The following LRP2 variants were observed in gnomAD, a reference collection of about 807,000 sequenced individuals.
LRP2 encodes LDL receptor related protein 2, also known as low-density lipoprotein receptor-related protein 2.
In LRP2, 172 loss-of-function variants were observed where a neutral mutation model predicts 531.0. The observed-to-expected ratio is 0.32, with a 90% CI of 0.29 to 0.37. The LOEUF (loss-of-function observed/expected upper bound fraction) is 0.37. Ranked by LOEUF, LRP2 falls within the 10% of genes least tolerant of loss-of-function variation. The probability of loss-of-function intolerance (pLI) is 1.00; values close to 1 mark genes in which losing one functional copy is unlikely to be tolerated. For synonymous variants in LRP2, 1,992 were observed against 2,027.6 expected, an observed-to-expected ratio of 0.98 and a Z score of 0.47; for missense variants, 5,167 against 5,868.3, an observed-to-expected ratio of 0.88 and a Z score of 3.90.
chr2:169,190,608 C>T (rs1361083980), intron 48 of LRP2, among the ~76,000 whole-genome samples: 1 of 152,172 alleles, frequency 6.6e-6, no homozygotes, highest in Non-Finnish European at 1.5e-5. Context: ...GTATATCTTT[C>T]CCACTGTCTT....
At chr2:169,325,991 T>C (rs1041630388) in intron 1 of LRP2, among the ~76,000 whole-genome samples, 4 of 151,564 alleles carry the variant, frequency 2.6e-5, no homozygotes, top group Non-Finnish European at 5.9e-5. Context: ...AGTGCAAAAA[T>C]AAATGAATAA....
chr2:169,226,902 A>G (rs1689220700), intron 31 of LRP2, among the ~76,000 whole-genome samples: 1 of 152,150 alleles, frequency 6.6e-6, no homozygotes, highest in Non-Finnish European at 1.5e-5. Context: ...CCTCACAGAC[A>G]GGAAGTTCTT....
intron 17 of LRP2, 115 bp from the exon 18 acceptor site, chr2:169,257,364 A>C: frequency 9.1e-7 from 1 of 1,099,494 alleles, no homozygotes; most frequent in Non-Finnish European, 1.4e-6. Context: ...TGTTTTCTTT[A>C]TATGCTATTG....
At chr2:169,327,070 G>A (rs1312427427) in intron 1 of LRP2, among the ~76,000 whole-genome samples, 17 of 150,040 alleles carry the variant, frequency 1.1e-4, no homozygotes, top group African/African-American at 3.9e-4. Context: ...CAGCCGCCCA[G>A]TCCGGGAGGG....
rs1687434097 is a variant in LRP2 at position 169,181,605 on chromosome 2, C to A, written c.10012G>T (p.Ala3338Ser). The change falls in exon 52 of 79, where the codon GCA (alanine) becomes TCA (serine). Residue 3338 changes from alanine to serine, a missense_variant. Transcript: ENST00000649046. ...ATGTATGCGCGGTGACCCCAGTCTG[C>A]CCAGTAGAGGTACCTGTCAGGGCAA... is the stretch of plus-strand genomic sequence containing the variant. ...LHPQYGYLYW[A>S]DWGHRAYIGR... The A allele has an allele frequency of 6.2e-7, 1 of 1,613,936 alleles. No homozygotes were observed. Among genetic ancestry groups the A allele is most frequent in the Non-Finnish European group, 8.5e-7 (1 of 1,180,008 alleles).
At chr2:169,325,374 C>A (rs1267666330) in intron 1 of LRP2, among the ~76,000 whole-genome samples, 1 of 152,176 alleles carries the variant, frequency 6.6e-6, no homozygotes. Context: ...TCACTGAACT[C>A]AAAGAAACAA....
chr2:169,264,239 T>C (rs751764952), intron 16 of LRP2, among the ~76,000 whole-genome samples: 72 of 151,866 alleles, frequency 4.7e-4, no homozygotes, highest in Non-Finnish European at 7.9e-4. Context: ...AAACTTAAAG[T>C]ATAATAATAA....
chr2:169,324,282 G>C (rs1684985193), intron 1 of LRP2, among the ~76,000 whole-genome samples: 1 of 152,028 alleles, frequency 6.6e-6, no homozygotes, highest in Admixed American at 6.6e-5. Context: ...CGTGCTACTT[G>C]ACCACTACTC....
chr2:169,227,952 C>T (rs934408878), intron 31 of LRP2, among the ~76,000 whole-genome samples: 1 of 152,138 alleles, frequency 6.6e-6, no homozygotes, highest in African/African-American at 2.4e-5. Flanking sequence ...GACCCTGGCT[C>T]ATTCACTTCC....
At chr2:169,128,878 A>C (rs757761823) in intron 78 of LRP2, 48 bp from the exon 79 acceptor site, 6 of 1,606,110 alleles carry the variant, frequency 3.7e-6, no homozygotes, top group Non-Finnish European at 5.1e-6. Flanking sequence ...CCCCAAGGTC[A>C]CCATACACGG....
chr2:169,263,728 C>T (rs1353205158), intron 16 of LRP2, among the ~76,000 whole-genome samples: 1 of 152,112 alleles, frequency 6.6e-6, no homozygotes. Flanking sequence ...CCATTTGACC[C>T]AGCCATCGCA....
Position 169,128,519 on chromosome 2 carries a change from A to G in LRP2, c.*144T>C. The G allele has an allele frequency of 1.4e-6, 1 of 728,766 alleles. No homozygotes were observed. The highest frequency in any genetic ancestry group is 2.4e-5 in the Admixed American group (1 of 40,944). The allele number at this position is 728,766 out of a possible 1,614,324, so 45.1% of individuals were successfully genotyped here. A position where few individuals can be genotyped will look rare whatever the true frequency, so the allele number is the denominator to read the frequency against. On this transcript the variant is annotated 3_prime_UTR_variant, in exon 79 of 79. Coordinates refer to ENST00000649046, the MANE Select transcript of LRP2 (RefSeq NM_004525.3). ...TATGAGACGGCATAAGTAAAAAAAGACACACAGGATACCTCCAACTATAGG... is the reference window on the plus strand; with the variant it reads ...TATGAGACGGCATAAGTAAAAAAAGGCACACAGGATACCTCCAACTATAGG...
intron 61 of LRP2, among the ~76,000 whole-genome samples, chr2:169,167,142 G>A (rs1449421845): frequency 6.6e-6 from 1 of 152,240 alleles, no homozygotes; most frequent in Non-Finnish European, 1.5e-5. Flanking sequence ...CTTATGGAGA[G>A]AAGAGATTTC....
intron 1 of LRP2, among the ~76,000 whole-genome samples, chr2:169,343,867 T>C (rs1024644702): frequency 4.6e-5 from 7 of 152,226 alleles, no homozygotes; most frequent in Non-Finnish European, 1.0e-4. Flanking sequence ...CACAATTTAA[T>C]CTATCCTTAA....
intron 33 of LRP2, among the ~76,000 whole-genome samples, chr2:169,221,657 C>G (rs993599349): frequency 6.6e-6 from 1 of 152,182 alleles, no homozygotes; most frequent in South Asian, 2.1e-4. Context: ...CTCATACATG[C>G]GTGTGCACGT....
intron 68 of LRP2, among the ~76,000 whole-genome samples, chr2:169,149,508 G>A (rs2105351958): frequency 6.6e-6 from 1 of 152,200 alleles, no homozygotes; most frequent in East Asian, 1.9e-4. Flanking sequence ...ACTACACTGA[G>A]CCATTCCAGA....
rs139775540 is a variant in LRP2, at chr2:169,146,483, G to A, written c.12811+256C>T. Among the ~76,000 whole-genome samples, 3 of 152,254 alleles carry A rather than the reference G, an allele frequency of 2.0e-5. No homozygotes were observed. The East Asian group carries it at 5.8e-4, about 29-fold the overall frequency. On this transcript the variant is annotated intron_variant, in intron 69 of 78. Transcript: ENST00000649046. ...CTGGGGCAACCTAACAGGAAACTCAGTTATTTCAATATCTTCTGCTGAGAA... is the reference window on the plus strand; with the variant it reads ...CTGGGGCAACCTAACAGGAAACTCAATTATTTCAATATCTTCTGCTGAGAA...
chr2:169,228,477 C>T (rs72876258), intron 31 of LRP2, among the ~76,000 whole-genome samples: 173 of 152,270 alleles, frequency 1.1e-3, no homozygotes, highest in Non-Finnish European at 1.8e-3. Context: ...TACTCACTTA[C>T]GTAAGATCTG....
intron 76 of LRP2, 54 bp from the exon 77 acceptor site, chr2:169,132,735 A>G: frequency 1.1e-6 from 1 of 893,902 alleles, no homozygotes; most frequent in Non-Finnish European, 1.9e-6. Flanking sequence ...AGTAGTAAAT[A>G]AATTTGCTGT....
Sources: allele counts gnomAD v4.1 joint callset (sites outside exome capture counted in the v4.1 genomes callset), GRCh38; gene constraint gnomAD v4.1.1; transcripts MANE v1.5; gene names NCBI Gene and HGNC (gene_info 2026-07-23, HGNC 2026-07-21).